The following AXIN1 variants were observed in gnomAD, a reference collection of about 807,000 sequenced individuals.
The protein encoded by AXIN1 is axin-1.
Under a neutral mutation model 76.4 loss-of-function variants are expected in AXIN1, and 30 were observed. The ratio of observed to expected loss-of-function variants is 0.39; its 90% CI spans 0.29 to 0.53. The LOEUF (loss-of-function observed/expected upper bound fraction) is 0.53, where lower values mean the gene tolerates loss of function less well. Among genes scored for constraint, AXIN1 ranks in the 20% least tolerant of loss-of-function variants. The probability of loss-of-function intolerance (pLI) is 0.66; values close to 1 mark genes in which losing one functional copy is unlikely to be tolerated. For synonymous variants in AXIN1, 545 were observed against 501.4 expected (o/e 1.09, Z -1.16); for missense variants, 1,140 against 1,198.8 (o/e 0.95, Z 0.72).
chr16:295,063 C>CAA (rs1247311711), intron 7 of AXIN1, among the ~76,000 whole-genome samples: 8 of 60,568 alleles, frequency 1.3e-4, no homozygotes, highest in Non-Finnish European at 2.4e-4. Context: ...GACTCCGTCT[C>CAA]AAAAAAAAAA....
chr16:291,309 C>T lies in AXIN1; in HGVS notation c.2187-12G>A. The T allele has an allele frequency of 2.6e-6, 4 of 1,564,632 alleles. No individual in the cohort carries two copies. The highest frequency in any genetic ancestry group is 2.3e-5 in the South Asian group (2 of 85,508). On this transcript the variant is annotated splice_polypyrimidine_tract_variant and intron_variant, in intron 8 of 10. Coordinates refer to ENST00000262320, the MANE Select transcript of AXIN1 (RefSeq NM_003502.4). ...CCTCCTGCACATACCTAGGGAACAA[C>T]CCGCGTCAAAGGTGGCTGTGCCGGC...
chr16:289,402 C>G, intron 10 of AXIN1, 38 bp downstream of exon 10: 1 of 1,611,696 alleles, frequency 6.2e-7, no homozygotes, highest in Non-Finnish European at 8.5e-7. Context: ...CACCCACATA[C>G]TCGTGCGGGG....
At chr16:315,423 C>T (rs2053276953) in intron 2 of AXIN1, among the ~76,000 whole-genome samples, 1 of 152,198 alleles carries the variant, frequency 6.6e-6, no homozygotes, top group Non-Finnish European at 1.5e-5. Context: ...TTCAAATAGA[C>T]TTGTTATTAA....
chr16:342,658 A>T (rs1279540635), intron 2 of AXIN1, among the ~76,000 whole-genome samples: 1 of 152,230 alleles, frequency 6.6e-6, no homozygotes, highest in African/African-American at 2.4e-5. Flanking sequence ...CTGTGCTGAG[A>T]CAGACGGGAC....
intron 8 of AXIN1, chr16:292,237 C>T (rs1353419204): frequency 6.6e-6 from 1 of 152,442 alleles, no homozygotes; most frequent in Non-Finnish European, 1.5e-5. Context: ...GCTCCGAGCA[C>T]CACACTCCAG....
At chr16:319,629 A>C (rs1597060263) in intron 2 of AXIN1, among the ~76,000 whole-genome samples, 1 of 152,128 alleles carries the variant, frequency 6.6e-6, no homozygotes, top group African/African-American at 2.4e-5. Flanking sequence ...TGGATGGTGG[A>C]GAAAGGTGCT....
In AXIN1 at chr16:297,878, G is replaced by T. The variant is rs1410414430; in HGVS notation, c.1628C>A (p.Thr543Lys). 6.3e-7 allele frequency: 1 copy of T among 1,589,068 alleles called. No individual in the cohort carries two copies. The stretch of plus-strand genomic sequence containing the variant: ...CTCCACCTGCTCCTTGGGCCGGGCT[G>T]TGCTGTGGTGGACGTGGTGGTGGAC... Reference protein sequence around the residue: ...RHVHHHVHHSTARPKEQVEAE... With the variant: ...RHVHHHVHHSKARPKEQVEAE... Residue 543 changes from threonine (T) to lysine (K), a missense_variant, in exon 6 of 11, where the codon ACA (threonine) becomes AAA (lysine). Coordinates refer to ENST00000262320, the MANE Select transcript of AXIN1 (RefSeq NM_003502.4).
chr16:315,084 C>G (rs1026195946), intron 2 of AXIN1, among the ~76,000 whole-genome samples: 3 of 152,180 alleles, frequency 2.0e-5, no homozygotes, highest in African/African-American at 7.2e-5. Flanking sequence ...GGATTCAGCT[C>G]AGACGTCTCT....
At chr16:343,804 G>C (rs762516412) in intron 2 of AXIN1, among the ~76,000 whole-genome samples, 1 of 151,490 alleles carries the variant, frequency 6.6e-6, no homozygotes, top group Admixed American at 6.6e-5. Context: ...CCAGGAGCTC[G>C]AGACCATCCT....
chr16:347,609 G>A (rs146961878), intron 1 of AXIN1, among the ~76,000 whole-genome samples: 25 of 152,330 alleles, frequency 1.6e-4, no homozygotes, highest in East Asian at 5.8e-4. Flanking sequence ...GGTGGTGGGC[G>A]TCTTCTGAAC....
At chr16:342,269 C>G (rs2053941800) in intron 2 of AXIN1, among the ~76,000 whole-genome samples, 1 of 152,172 alleles carries the variant, frequency 6.6e-6, no homozygotes, top group Non-Finnish European at 1.5e-5. Flanking sequence ...CCGAACACCT[C>G]CGAACGTCAG....
chr16:299,415 C>T (rs940769510), intron 5 of AXIN1, among the ~76,000 whole-genome samples: 10 of 152,154 alleles, frequency 6.6e-5, no homozygotes, highest in African/African-American at 1.2e-4. Flanking sequence ...TGCAGTGGCA[C>T]GATCTTGGCT....
At chr16:325,272 GTATA>G (rs2053556771) in intron 2 of AXIN1, among the ~76,000 whole-genome samples, 2 of 151,494 alleles carry the variant, frequency 1.3e-5, no homozygotes, top group Admixed American at 1.3e-4. Flanking sequence ...CTAGAATTCT[GTATA>G]AACGCAGTCT....
intron 1 of AXIN1, among the ~76,000 whole-genome samples, chr16:351,583 C>T (rs1298342224): frequency 2.0e-5 from 3 of 151,558 alleles, no homozygotes; most frequent in Admixed American, 6.6e-5. Flanking sequence ...GCACTCCAGC[C>T]TGGGCTACAG....
In AXIN1 at chr16:310,043, C is replaced by T. The variant is rs36045489; in HGVS notation, c.1046G>A (p.Arg349His). The T allele has an allele frequency of 8.6e-5, 139 of 1,612,608 alleles. No individual in the cohort carries two copies. Among genetic ancestry groups the T allele is most frequent in the Non-Finnish European group, 1.1e-4 (130 of 1,179,704 alleles). ...CTGCATCTCCCTGCGGTGCTGCTTA[C>T]GGATCCTGTATGGGGGGATCCCATC... ...SVDGIPPYRI[R>H]KQHRREMQES... The change falls in exon 4 of 11, where the codon CGT becomes CAT. Residue 349 changes from arginine to histidine, a missense_variant. Physicochemically the swap from Arg to His is conservative, Grantham distance 29 (BLOSUM62 0). Around this residue, in one of 3 missense-constraint regions of AXIN1, gnomAD observed 708 missense variants for 776.9 expected, o/e 0.91. Coordinates refer to ENST00000262320, the MANE Select transcript of AXIN1 (RefSeq NM_003502.4).
intron 9 of AXIN1, chr16:290,042 C>T (rs140442253): frequency 4.2e-5 from 11 of 263,908 alleles, no homozygotes; most frequent in Middle Eastern, 1.4e-3. Flanking sequence ...CGAAGTTTGT[C>T]GGAGGACTGG....
chr16:346,423 G>A lies in AXIN1; in HGVS notation c.603C>T (p.Phe201=), dbSNP rs1304149281. 1 of 1,614,072 alleles carries A rather than the reference G, an allele frequency of 6.2e-7. No individual in the cohort carries two copies. The highest frequency in any genetic ancestry group is 1.3e-5 in the African/African-American group (1 of 74,920). Residue 201 remains phenylalanine (F), a synonymous_variant, in exon 2 of 11, where the codon TTC becomes TTT. Transcript: ENST00000262320. ...ATTCCAAATAAATATCAGACTTAAG[G>A]AAGGAGGGATAGGTGTTTTCCTCCA... The part of the protein sequence containing the change: ...ATMEENTYPS[F]LKSDIYLEYT...
intron 7 of AXIN1, among the ~76,000 whole-genome samples, chr16:295,200 G>T (rs1413839178): frequency 6.6e-6 from 1 of 150,968 alleles, no homozygotes; most frequent in African/African-American, 2.4e-5. Context: ...CCGCCTCCCA[G>T]GTTCAAGCGA....
At chr16:325,112 G>A (rs911683727) in intron 2 of AXIN1, among the ~76,000 whole-genome samples, 24 of 150,192 alleles carry the variant, frequency 1.6e-4, no homozygotes, top group East Asian at 3.9e-4. Flanking sequence ...CCCCGCGGGC[G>A]GCCCCGCACC....
Sources: gnomAD v4.1 joint callset for allele counts (sites outside exome capture counted in the v4.1 genomes callset) on GRCh38, gnomAD v4.1.1 for gene constraint, gnomAD v4.1.1 regional missense constraint, MANE v1.5 for transcripts, NCBI Gene and HGNC (gene_info 2026-07-23, HGNC 2026-07-21) for gene names.